Variants in RBBP7 observed in about 807,000 individuals in gnomAD.
RBBP7 encodes RB binding protein 7, chromatin remodeling factor.
RBBP7 carries 5 observed loss-of-function variants against 35.2 expected under a neutral mutation model. The observed-to-expected ratio is 0.14, with a 90% CI of 0.07 to 0.30. The LOEUF is 0.30. Among genes scored for constraint, RBBP7 ranks in the 10% least tolerant of loss-of-function variants. RBBP7 has a pLI of 1.00. For synonymous variants in RBBP7, 140 were observed against 118.7 expected, an observed-to-expected ratio of 1.18 and a Z score of -1.17; for missense variants, 155 against 327.5, an observed-to-expected ratio of 0.47 and a Z score of 4.07.
intron 1 of RBBP7, 131 bp downstream of exon 1, chrX:16,869,907 G>A: frequency 1.3e-6 from 1 of 770,278 alleles, no homozygotes. Flanking sequence ...CGAGGCGCGC[G>A]CCCAGTCTCG....
At chrX:16,856,431 A>G (rs1182438793) in intron 5 of RBBP7, among the ~76,000 whole-genome samples, 2 of 110,534 alleles carry the variant, frequency 1.8e-5, no homozygotes, top group African/African-American at 3.3e-5. Context: ...TTGGGAGGCT[A>G]AGGCAGGAGA....
At chrX:16,863,491 T>A (rs780550040) in intron 2 of RBBP7, among the ~76,000 whole-genome samples, 17 of 112,053 alleles carry the variant, frequency 1.5e-4, no homozygotes, top group Middle Eastern at 4.6e-3. Flanking sequence ...TAAAGAAATC[T>A]TCTTCCCACC....
intron 5 of RBBP7, among the ~76,000 whole-genome samples, chrX:16,856,271 T>A (rs1256861050): frequency 9.0e-6 from 1 of 111,373 alleles, no homozygotes; most frequent in East Asian, 2.8e-4. Context: ...GACTCATGCC[T>A]GTAATCCCAG....
At chrX:16,858,508 C>T (rs915344755) in intron 4 of RBBP7, among the ~76,000 whole-genome samples, 168 bp downstream of exon 4, 1 of 111,708 alleles carries the variant, frequency 9.0e-6, no homozygotes, top group Non-Finnish European at 1.9e-5. Flanking sequence ...GTATAAGCTG[C>T]TTTTAGGTAG....
intron 10 of RBBP7, 165 bp downstream of exon 10, chrX:16,849,079 A>G (rs1227886820): frequency 7.8e-6 from 3 of 386,146 alleles, no homozygotes; most frequent in East Asian, 4.2e-5. Context: ...TCCATTTACT[A>G]TTTTTGATAA....
intron 9 of RBBP7, among the ~76,000 whole-genome samples, chrX:16,851,100 C>T (rs748617237): frequency 2.0e-5 from 2 of 97,958 alleles, no homozygotes; most frequent in South Asian, 9.9e-4. Context: ...CTCCAGCCTG[C>T]GTGACAGAGC....
intron 10 of RBBP7, chrX:16,848,934 G>C: frequency 4.9e-6 from 1 of 202,205 alleles, no homozygotes. Flanking sequence ...ACTGCCAACT[G>C]AATAGCAATT....
intron 2 of RBBP7, among the ~76,000 whole-genome samples, chrX:16,866,745 G>A (rs926922202): frequency 1.8e-5 from 2 of 109,794 alleles, no homozygotes; most frequent in African/African-American, 6.7e-5. Flanking sequence ...GTCAGGCATT[G>A]AGAATAGTCA....
At chrX:16,860,282 AG>A (rs1158321055) in intron 3 of RBBP7, among the ~76,000 whole-genome samples, 545 of 13,447 alleles carry the variant, frequency 0.041, no homozygotes, top group Non-Finnish European at 0.06. Flanking sequence ...TAAAAAAAAA[AG>A]GGGGGGGGGC....
intron 9 of RBBP7, among the ~76,000 whole-genome samples, 173 bp from the exon 10 acceptor site, chrX:16,849,474 G>A (rs1930165380): frequency 9.1e-6 from 1 of 110,163 alleles, no homozygotes; most frequent in African/African-American, 3.3e-5. Context: ...ACATGGCCTC[G>A]CTATGTTTCC....
At position 16,858,758 on chromosome X, in the gene RBBP7, C is replaced by A; in HGVS notation, c.399G>T (p.Pro133=). The change falls in exon 4 of 12, where the codon CCG becomes CCT. Residue 133 remains proline, a synonymous_variant. Coordinates refer to ENST00000380087, the MANE Select transcript of RBBP7 (RefSeq NM_002893.4). The part of the protein sequence containing the change: ...EGEVNRARYM[P]QNPHIIATKT... ...TTGTAGCAATGATGTGAGGATTCTG[C>A]GGCATGTAACGAGCACGGTTTACTT... The A allele has an allele frequency of 1.7e-6, 2 of 1,211,215 alleles. No individual in the cohort carries two copies. Among genetic ancestry groups the A allele is most frequent in the African/African-American group, 1.7e-5 (1 of 57,589 alleles).
chrX:16,850,661 A>G (rs1417061683), intron 9 of RBBP7, among the ~76,000 whole-genome samples: 1 of 112,697 alleles, frequency 8.9e-6, no homozygotes, highest in Non-Finnish European at 1.9e-5. Flanking sequence ...ACATACAAGC[A>G]TTTTATTCTC....
chrX:16,855,001 T>A (rs1431799688), intron 5 of RBBP7, among the ~76,000 whole-genome samples: 6 of 95,521 alleles, frequency 6.3e-5, no homozygotes, highest in African/African-American at 8.3e-5. Flanking sequence ...TTTTTTTTTT[T>A]AATTCATAGC....
At position 16,855,347 on chromosome X, in the gene RBBP7, C is replaced by T. The variant is rs781250962; in HGVS notation, c.598-1505G>A. On this transcript the variant is annotated intron_variant, in intron 5 of 11. Transcript: ENST00000380087. ...GATTCCAGGCGTGAGCCACTGTGCC[C>T]AGCCACATGAAGGACTTTCTGTAAC... 2.7e-5 allele frequency among the ~76,000 whole-genome samples: 3 copies of T among 112,528 alleles called. No homozygotes were observed. In the Admixed American group the frequency reaches 2.8e-4, roughly 11 times the overall value.
intron 3 of RBBP7, among the ~76,000 whole-genome samples, chrX:16,860,466 A>G: frequency 9.1e-6 from 1 of 110,484 alleles, no homozygotes; most frequent in East Asian, 2.8e-4. Context: ...AGGCGTGCGG[A>G]TCATGAGGTC....
At chrX:16,851,545 A>T (rs183640620) in intron 9 of RBBP7, among the ~76,000 whole-genome samples, 99 of 111,991 alleles carry the variant, frequency 8.8e-4, no homozygotes, top group African/African-American at 3.0e-3. Context: ...CCCAGAGAAC[A>T]TAAGCTCTCT....
In RBBP7 at chrX:16,858,863, A is replaced by C; in HGVS notation, c.308-14T>G. 1 of 1,207,902 alleles carries C rather than the reference A, an allele frequency of 8.3e-7. No individual in the cohort carries two copies. The highest frequency in any genetic ancestry group is 1.1e-6 in the Non-Finnish European group (1 of 892,774). On this transcript the variant is annotated splice_polypyrimidine_tract_variant and intron_variant, in intron 3 of 11. Coordinates refer to ENST00000380087, the MANE Select transcript of RBBP7 (RefSeq NM_002893.4). ...AGCCACCAAATTCTAATGTGAGGAG[A>C]AAGAAACACACACACACACACTCAG...
At chrX:16,865,063 C>CA (rs34381419) in intron 2 of RBBP7, among the ~76,000 whole-genome samples, 666 of 24,512 alleles carry the variant, frequency 0.027, 103 homozygotes, top group African/African-American at 0.034. Context: ...GACCCTGTCT[C>CA]AAAAAAAAAA....
chrX:16,869,526 G>A (rs956888608), intron 1 of RBBP7: 10 of 1,164,996 alleles, frequency 8.6e-6, no homozygotes, highest in African/African-American at 1.8e-5. Context: ...ACGTACAGGG[G>A]CTGCGCGACC....
Sources: gnomAD v4.1 joint callset for allele counts (sites outside exome capture counted in the v4.1 genomes callset) on GRCh38, gnomAD v4.1.1 for gene constraint, MANE v1.5 for transcripts, NCBI Gene and HGNC (gene_info 2026-07-23, HGNC 2026-07-21) for gene names.